RHOU: variants seen among roughly 807,000 people sequenced by gnomAD.
RHOU encodes the protein rho-related GTP-binding protein RhoU.
RHOU carries 8 observed loss-of-function variants against 12.6 expected under a neutral mutation model. The ratio of observed to expected loss-of-function variants is 0.64; its 90% CI spans 0.37 to 1.15. RHOU has a LOEUF of 1.15. RHOU is among the 50% of genes most tolerant of loss of function. The pLI is 0.01. For synonymous variants in RHOU, 161 were observed against 147.4 expected, an observed-to-expected ratio of 1.09 and a Z score of -0.67; for missense variants, 258 against 347.0, an observed-to-expected ratio of 0.74 and a Z score of 2.04.
chr1:228,650,514 C>A, the RHOU span: 1 of 456,656 alleles, frequency 2.2e-6, no homozygotes, highest in South Asian at 1.5e-5. Flanking sequence ...ACTAGGGGAG[C>A]TGCCACGGGC....
At chr1:228,707,210 T>TATATATAC in the RHOU span, among the ~76,000 whole-genome samples, 4 of 115,382 alleles carry the variant, frequency 3.5e-5, no homozygotes, top group Non-Finnish European at 6.5e-5. Flanking sequence ...TATATACATA[T>TATATATAC]ATATATACAT....
chr1:228,705,667 C>G, the RHOU span, among the ~76,000 whole-genome samples: 1 of 152,158 alleles, frequency 6.6e-6, no homozygotes, highest in African/African-American at 2.4e-5. Flanking sequence ...TAACTGGATC[C>G]AAGTAAGTTA....
At chr1:228,678,620 A>G in the RHOU span, among the ~76,000 whole-genome samples, 1 of 152,204 alleles carries the variant, frequency 6.6e-6, no homozygotes, top group Non-Finnish European at 1.5e-5. Context: ...TTCAGCCCAT[A>G]AAACAGCATG....
the RHOU span, among the ~76,000 whole-genome samples, chr1:228,699,326 T>C: frequency 6.6e-6 from 1 of 150,954 alleles, no homozygotes; most frequent in East Asian, 1.9e-4. Context: ...TGTGTGCCTG[T>C]GGTCTCAGCT....
the RHOU span, among the ~76,000 whole-genome samples, chr1:228,654,914 C>A: frequency 0.012 from 1,816 of 152,186 alleles, 41 homozygotes; most frequent in African/African-American, 0.041. Context: ...ATTCTATGTG[C>A]TGTACCTGAA....
At chr1:228,702,530 C>T in the RHOU span, among the ~76,000 whole-genome samples, 3 of 152,112 alleles carry the variant, frequency 2.0e-5, no homozygotes, top group Non-Finnish European at 4.4e-5. Flanking sequence ...TTACCAAGGT[C>T]ACCTGTCTGG....
chr1:228,650,760 T>C, the RHOU span: 2 of 436,150 alleles, frequency 4.6e-6, no homozygotes, highest in South Asian at 1.8e-5. Flanking sequence ...GGTGGTCCAG[T>C]TGAAATCCTT....
chr1:228,665,557 T>C, the RHOU span, among the ~76,000 whole-genome samples: 3 of 152,272 alleles, frequency 2.0e-5, no homozygotes, highest in Admixed American at 2.0e-4. Context: ...GGAACAGTAA[T>C]ATATCTTTGA....
the RHOU span, among the ~76,000 whole-genome samples, chr1:228,707,118 A>G: frequency 2.3e-5 from 2 of 88,364 alleles, no homozygotes; most frequent in African/African-American, 1.2e-4. Context: ...ATATATATAT[A>G]TATATATACA....
At chr1:228,734,175 G>C (rs1662547133), upstream of RHOU, among the ~76,000 whole-genome samples, 1 of 151,028 alleles carries the variant, frequency 6.6e-6, no homozygotes, top group East Asian at 1.9e-4. Context: ...AACATAACTG[G>C]TGGTGATTAA....
chr1:228,670,176 G>C, the RHOU span, among the ~76,000 whole-genome samples: 1 of 152,174 alleles, frequency 6.6e-6, no homozygotes, highest in African/African-American at 2.4e-5. Flanking sequence ...GATGGGGTTG[G>C]GGGTCAGGAA....
At chr1:228,729,569 G>A in the RHOU span, among the ~76,000 whole-genome samples, 2 of 152,164 alleles carry the variant, frequency 1.3e-5, no homozygotes, top group African/African-American at 4.8e-5. Flanking sequence ...GTTACAAGAT[G>A]CAAGAAGACT....
At chr1:228,656,143 CT>C in the RHOU span, among the ~76,000 whole-genome samples, 5 of 152,062 alleles carry the variant, frequency 3.3e-5, no homozygotes, top group Admixed American at 1.3e-4. Flanking sequence ...CTTTGCAATG[CT>C]TAGTCTCAAA....
the RHOU span, among the ~76,000 whole-genome samples, chr1:228,716,478 T>C: frequency 2.6e-5 from 4 of 152,190 alleles, no homozygotes; most frequent in Non-Finnish European, 5.9e-5. Context: ...GCAAGGGACT[T>C]CCCTCAGGCA....
intron 2 of RHOU, among the ~76,000 whole-genome samples, chr1:228,739,128 TA>T (rs199783196): frequency 6.7e-6 from 1 of 150,246 alleles, no homozygotes; most frequent in South Asian, 2.1e-4. Flanking sequence ...CTCTTGGGGG[TA>T]AAAAAAAAGA....
chr1:228,672,746 G>C, the RHOU span, among the ~76,000 whole-genome samples: 1 of 152,080 alleles, frequency 6.6e-6, no homozygotes, highest in East Asian at 1.9e-4. Flanking sequence ...TTTTTCTCCG[G>C]GGGTATGATC....
In RHOU at chr1:228,738,831, G is replaced by A. The variant is rs1476299201; in HGVS notation, c.321+1100G>A. Among the ~76,000 whole-genome samples, 1 of 152,218 alleles carries A rather than the reference G, an allele frequency of 6.6e-6. No homozygotes were observed. The highest frequency in any genetic ancestry group is 2.4e-5 in the African/African-American group (1 of 41,452). On this transcript the variant is annotated intron_variant, in intron 2 of 2. Transcript: ENST00000366691. The surrounding 1 kb of genome is among the most constrained non-coding windows in gnomAD (Gnocchi z 4.2). ...AAGCACTGTCCGTATTGTATTGTCTGTAGAAAACAAAAATCAGGCTGGGTG... is the reference window on the plus strand; with the variant it reads ...AAGCACTGTCCGTATTGTATTGTCTATAGAAAACAAAAATCAGGCTGGGTG...
the RHOU span, among the ~76,000 whole-genome samples, chr1:228,728,754 G>A: frequency 6.6e-6 from 1 of 152,086 alleles, no homozygotes; most frequent in Non-Finnish European, 1.5e-5. Flanking sequence ...ACTATACAGT[G>A]CACACCTATA....
chr1:228,722,104 T>C, the RHOU span, among the ~76,000 whole-genome samples: 1 of 152,222 alleles, frequency 6.6e-6, no homozygotes, highest in African/African-American at 2.4e-5. Context: ...GGCCACACTG[T>C]AAACAAAGGA....
Sources: gnomAD v4.1 joint callset for allele counts (sites outside exome capture counted in the v4.1 genomes callset) on GRCh38, gnomAD v4.1.1 for gene constraint, Gnocchi (gnomAD v3.1) non-coding constraint, MANE v1.5 for transcripts, NCBI Gene and HGNC (gene_info 2026-07-23, HGNC 2026-07-21) for gene names.